The following FMN1 variants were observed in gnomAD, a reference collection of about 807,000 sequenced individuals.
FMN1 encodes the protein formin 1, also known as formin-1.
FMN1 carries 110 observed loss-of-function variants against 132.4 expected under a neutral mutation model. The ratio of observed to expected loss-of-function variants is 0.83; its 90% CI spans 0.71 to 0.97. The LOEUF (loss-of-function observed/expected upper bound fraction) is 0.97, where lower values mean the gene tolerates loss of function less well. FMN1 is among the 50% of genes least tolerant of loss of function. The probability of loss-of-function intolerance (pLI) is 0.00; values close to 1 mark genes in which losing one functional copy is unlikely to be tolerated. For synonymous variants in FMN1, 722 were observed against 651.7 expected (o/e 1.11, Z -1.64); for missense variants, 1,792 against 1,705.3 (o/e 1.05, Z -0.90).
intron 9 of FMN1, among the ~76,000 whole-genome samples, 178 bp downstream of exon 9, chr15:32,963,923 TCACACA>T (rs35753530): frequency 2.2e-4 from 32 of 143,786 alleles, no homozygotes; most frequent in African/African-American, 5.9e-4. Flanking sequence ...TTCCTATGAA[TCACACA>T]CACACACACA....
chr15:33,070,538 A>G (rs1298735903), intron 5 of FMN1, among the ~76,000 whole-genome samples: 1 of 152,112 alleles, frequency 6.6e-6, no homozygotes, highest in East Asian at 1.9e-4. Context: ...GCACCATGGC[A>G]TGGAGCAGAA....
At chr15:32,918,243 T>A (rs1326193448) in intron 10 of FMN1, among the ~76,000 whole-genome samples, 2 of 151,802 alleles carry the variant, frequency 1.3e-5, no homozygotes, top group Non-Finnish European at 2.9e-5. Flanking sequence ...CAAAACTGAC[T>A]AACAAGGAAA....
At chr15:32,832,135 T>C (rs977544071) in intron 17 of FMN1, among the ~76,000 whole-genome samples, 3 of 152,202 alleles carry the variant, frequency 2.0e-5, no homozygotes, top group African/African-American at 7.2e-5. Context: ...TAAAAATAGC[T>C]ATACCCCAAA....
chr15:33,103,895 T>C (rs1174319625), intron 4 of FMN1, among the ~76,000 whole-genome samples: 1 of 152,134 alleles, frequency 6.6e-6, no homozygotes. Context: ...CCTGAGGTAA[T>C]TTCAAATGTT....
rs1010691834 is a variant in FMN1 at position 32,970,232 on chromosome 15, G to C, written c.2224-755C>G. ...GTAATTGTACACTTATTAGCACAGA[G>C]CTAGTGTACTCGCAGTCATTAACCA... On this transcript the variant is annotated intron_variant, in intron 7 of 20. Coordinates refer to ENST00000616417, the MANE Select transcript of FMN1 (RefSeq NM_001277313.2). 1.7e-4 allele frequency among the ~76,000 whole-genome samples: 26 copies of C among 152,290 alleles called. 1 individual carries two copies. The highest frequency in any genetic ancestry group is 1.6e-3 in the Admixed American group (25 of 15,302).
intron 5 of FMN1, among the ~76,000 whole-genome samples, chr15:33,072,861 T>TGCA (rs930647618): frequency 1.3e-5 from 2 of 148,834 alleles, no homozygotes; most frequent in Non-Finnish European, 3.0e-5. Flanking sequence ...AGGTGGAGGC[T>TGCA]GCAGTGAGCC....
intron 17 of FMN1, among the ~76,000 whole-genome samples, chr15:32,844,639 A>C (rs1449753337): frequency 6.6e-6 from 1 of 152,180 alleles, no homozygotes; most frequent in Admixed American, 6.5e-5. Context: ...GCTTATATTC[A>C]TTGCTTCTGG....
At chr15:32,857,442 C>G (rs1440478689) in intron 16 of FMN1, among the ~76,000 whole-genome samples, 2 of 152,152 alleles carry the variant, frequency 1.3e-5, no homozygotes, top group African/African-American at 2.4e-5. Context: ...GCAAAAACTA[C>G]TTGAGGATTA....
chr15:32,831,127 T>C (rs1323106819), intron 17 of FMN1, among the ~76,000 whole-genome samples: 2 of 152,222 alleles, frequency 1.3e-5, no homozygotes, highest in African/African-American at 4.8e-5. Context: ...ATAATAGTGC[T>C]TTCCTCAAGG....
At chr15:32,777,551 G>A (rs2056471905) in intron 19 of FMN1, among the ~76,000 whole-genome samples, 1 of 140,778 alleles carries the variant, frequency 7.1e-6, no homozygotes, top group African/African-American at 2.6e-5. Context: ...TATATATTAC[G>A]TATAACATAT....
At chr15:32,792,215 A>C (rs991359035) in intron 19 of FMN1, among the ~76,000 whole-genome samples, 1 of 150,690 alleles carries the variant, frequency 6.6e-6, no homozygotes, top group South Asian at 2.1e-4. Context: ...CGAGGCGGGC[A>C]GATCACGAGG....
intron 2 of FMN1, among the ~76,000 whole-genome samples, chr15:33,190,821 G>A (rs190152339): frequency 3.3e-5 from 5 of 152,144 alleles, no homozygotes; most frequent in East Asian, 3.9e-4. Flanking sequence ...GCATTCTGGC[G>A]GTCCCTGCTA....
At chr15:32,784,594 T>C (rs1462855852) in intron 19 of FMN1, among the ~76,000 whole-genome samples, 1 of 152,166 alleles carries the variant, frequency 6.6e-6, no homozygotes, top group East Asian at 1.9e-4. Context: ...ATTTCAGATT[T>C]TGGGCTCCAG....
intron 6 of FMN1, among the ~76,000 whole-genome samples, chr15:33,028,925 A>G (rs115747621): frequency 0.014 from 2,074 of 152,340 alleles, 41 homozygotes; most frequent in African/African-American, 0.048. Flanking sequence ...CACTAGTTTG[A>G]AAATAATAAA....
At chr15:32,885,246 A>C (rs970513150) in intron 16 of FMN1, among the ~76,000 whole-genome samples, 1 of 152,262 alleles carries the variant, frequency 6.6e-6, no homozygotes. Context: ...CTGTGACTCT[A>C]TCTGATCTGA....
chr15:33,087,523 G>A (rs2038742178), intron 5 of FMN1, among the ~76,000 whole-genome samples: 1 of 152,124 alleles, frequency 6.6e-6, no homozygotes, highest in Admixed American at 6.6e-5. Context: ...TCCAGCCTGA[G>A]CAACAGAGCA....
At chr15:32,953,267 CAT>C (rs1419795283) in intron 9 of FMN1, among the ~76,000 whole-genome samples, 2 of 152,198 alleles carry the variant, frequency 1.3e-5, no homozygotes, top group African/African-American at 2.4e-5. Context: ...TGACGACACA[CAT>C]GATTTCTTCT....
At chr15:32,790,158 G>T (rs1205942297) in intron 19 of FMN1, among the ~76,000 whole-genome samples, 1 of 152,230 alleles carries the variant, frequency 6.6e-6, no homozygotes, top group African/African-American at 2.4e-5. Flanking sequence ...AAAGAAGGCA[G>T]TTAGGCTGAT....
intron 7 of FMN1, among the ~76,000 whole-genome samples, chr15:32,994,685 T>G (rs1017297272): frequency 2.6e-5 from 4 of 152,322 alleles, no homozygotes; most frequent in Middle Eastern, 6.8e-3. Context: ...CAATACATAT[T>G]GAATGATTGA....
Sources: allele counts gnomAD v4.1 joint callset (sites outside exome capture counted in the v4.1 genomes callset), GRCh38; gene constraint gnomAD v4.1.1; transcripts MANE v1.5; gene names NCBI Gene and HGNC (gene_info 2026-07-23, HGNC 2026-07-21).